Variants in SIPA1L1 observed in about 807,000 individuals in gnomAD.
SIPA1L1 encodes the protein signal induced proliferation associated 1 like 1, also known as signal-induced proliferation-associated 1-like protein 1.
In SIPA1L1, 26 loss-of-function variants were observed where a neutral mutation model predicts 162.7. The ratio of observed to expected loss-of-function variants is 0.16; its 90% CI spans 0.12 to 0.22. The LOEUF is 0.22. Ranked by LOEUF, SIPA1L1 falls within the 10% of genes least tolerant of loss-of-function variation. The pLI is 1.00. For synonymous variants in SIPA1L1, 829 were observed against 837.4 expected (o/e 0.99, Z 0.17); for missense variants, 1,874 against 2,241.0 (o/e 0.84, Z 3.31).
intron 2 of SIPA1L1, among the ~76,000 whole-genome samples, chr14:71,470,767 C>A (rs911657352): frequency 6.6e-6 from 1 of 152,084 alleles, no homozygotes; most frequent in Non-Finnish European, 1.5e-5. Context: ...GGAAAAATTT[C>A]TCCTACTCTT....
At chr14:71,353,167 A>G (rs1330066489) in intron 2 of SIPA1L1, among the ~76,000 whole-genome samples, 3 of 152,228 alleles carry the variant, frequency 2.0e-5, no homozygotes, top group Non-Finnish European at 4.4e-5. Context: ...ATTCTAGATG[A>G]GTTCTCCATT....
At chr14:71,688,432 T>G (rs932756656) in intron 13 of SIPA1L1, among the ~76,000 whole-genome samples, 2 of 152,208 alleles carry the variant, frequency 1.3e-5, no homozygotes, top group African/African-American at 4.8e-5. Flanking sequence ...CTACTGTGAC[T>G]CCAGGAATAT....
At chr14:71,699,198 T>C in intron 14 of SIPA1L1, 71 bp downstream of exon 14, 1 of 1,403,828 alleles carries the variant, frequency 7.1e-7, no homozygotes, top group South Asian at 1.2e-5. Flanking sequence ...CTCAGACATG[T>C]AAAATGACTT....
chr14:71,622,838 G>A (rs2148573751), intron 6 of SIPA1L1, among the ~76,000 whole-genome samples: 1 of 152,260 alleles, frequency 6.6e-6, no homozygotes, highest in Non-Finnish European at 1.5e-5. Context: ...AGTGAGGCGT[G>A]TACCACTCAG....
intron 7 of SIPA1L1, among the ~76,000 whole-genome samples, chr14:71,628,758 A>G (rs1315485121): frequency 6.6e-6 from 1 of 152,188 alleles, no homozygotes; most frequent in African/African-American, 2.4e-5. Context: ...ACTGGATCAG[A>G]ATGAGATGGG....
intron 2 of SIPA1L1, among the ~76,000 whole-genome samples, chr14:71,353,138 A>C (rs147108670): frequency 2.0e-5 from 3 of 152,380 alleles, no homozygotes; most frequent in Non-Finnish European, 4.4e-5. Flanking sequence ...TTATTGATTT[A>C]TAGAAATTTT....
At chr14:71,738,941 C>T in intron 23 of SIPA1L1, 77 bp from the exon 24 acceptor site, 1 of 1,493,464 alleles carries the variant, frequency 6.7e-7, no homozygotes, top group Admixed American at 2.0e-5. Context: ...CAAAACGGGT[C>T]CATAGCTATT....
intron 4 of SIPA1L1, among the ~76,000 whole-genome samples, chr14:71,532,609 A>G (rs916382027): frequency 6.6e-6 from 1 of 152,220 alleles, no homozygotes; most frequent in Non-Finnish European, 1.5e-5. Context: ...GCAATACTAC[A>G]TGAATCATCT....
chr14:71,664,767 G>C (rs1041320072), intron 10 of SIPA1L1, among the ~76,000 whole-genome samples: 11 of 152,150 alleles, frequency 7.2e-5, no homozygotes, highest in African/African-American at 2.7e-4. Context: ...CCTGGTATCT[G>C]AACTGTGGAA....
At chr14:71,408,502 T>C (rs2042179671) in intron 2 of SIPA1L1, among the ~76,000 whole-genome samples, 1 of 152,182 alleles carries the variant, frequency 6.6e-6, no homozygotes, top group South Asian at 2.1e-4. Context: ...GGGCCTTTAC[T>C]TAGTAACTGA....
rs148284415 is a variant in SIPA1L1, at chr14:71,730,976, A to C, written c.4861+675A>C. On this transcript the variant is annotated intron_variant, in intron 20 of 23. Coordinates refer to ENST00000381232, the MANE Select transcript of SIPA1L1 (RefSeq NM_001386936.1). ...CTGTCCCACCCCATTCCAGGGCTCT[A>C]CACCTCCCCTCATAGCTGTGGCCCA... 3.2e-3 allele frequency among the ~76,000 whole-genome samples: 489 copies of C among 151,840 alleles called. 4 individuals are homozygous for C. Among genetic ancestry groups the C allele is most frequent in the South Asian group, 0.019 (90 of 4,794 alleles).
chr14:71,612,033 T>C (rs1328781870), intron 5 of SIPA1L1, among the ~76,000 whole-genome samples: 1 of 152,264 alleles, frequency 6.6e-6, no homozygotes, highest in Non-Finnish European at 1.5e-5. Context: ...TAATTTAAGC[T>C]ATTGAAGTGT....
At position 71,589,276 on chromosome 14, in the gene SIPA1L1, G is replaced by C; in HGVS notation, c.1404G>C (p.Glu468Asp). ...TGGCAGTACTTGAAGTGCCCAAGGAGAACTTGGTGTTGCACCTAGATAGAG... is the reference window on the plus strand; with the variant it reads ...TGGCAGTACTTGAAGTGCCCAAGGACAACTTGGTGTTGCACCTAGATAGAG... ...AGVAVLEVPK[E>D]NLVLHLDRVK... The change falls in exon 5 of 24, where the codon GAG becomes GAC. Residue 468 changes from glutamate (E) to aspartate (D), a missense_variant. Transcript: ENST00000381232. 1 of 1,613,994 alleles carries C rather than the reference G, an allele frequency of 6.2e-7. No individual in the cohort carries two copies. The highest frequency in any genetic ancestry group is 8.5e-7 in the Non-Finnish European group (1 of 1,179,900).
intron 5 of SIPA1L1, among the ~76,000 whole-genome samples, chr14:71,612,052 C>T (rs1418240115): frequency 6.6e-6 from 1 of 152,088 alleles, no homozygotes; most frequent in Non-Finnish European, 1.5e-5. Flanking sequence ...GTCACTGTTC[C>T]ATTCTTTGAC....
At chr14:71,475,661 T>A (rs2047789204) in intron 2 of SIPA1L1, among the ~76,000 whole-genome samples, 1 of 152,248 alleles carries the variant, frequency 6.6e-6, no homozygotes, top group South Asian at 2.1e-4. Context: ...ACAAAAATTC[T>A]GCTTTCAAAA....
intron 2 of SIPA1L1, among the ~76,000 whole-genome samples, chr14:71,502,085 T>C (rs1468315468): frequency 1.3e-5 from 2 of 149,144 alleles, no homozygotes; most frequent in East Asian, 1.9e-4. Context: ...TTTTTTTTTT[T>C]TCTTCTGTGT....
intron 11 of SIPA1L1, 77 bp from the exon 12 acceptor site, chr14:71,672,271 A>G: frequency 6.8e-7 from 1 of 1,460,298 alleles, no homozygotes; most frequent in Non-Finnish European, 9.5e-7. Flanking sequence ...CCCTGCTTGC[A>G]ATGATTTTCC....
chr14:71,702,228 T>A, intron 14 of SIPA1L1, 153 bp from the exon 15 acceptor site: 3 of 728,560 alleles, frequency 4.1e-6, no homozygotes, highest in African/African-American at 1.8e-5. Context: ...CACACCCACG[T>A]AAACACGAAC....
intron 15 of SIPA1L1, chr14:71,704,842 G>A (rs2082330060): frequency 3.4e-6 from 4 of 1,186,842 alleles, no homozygotes; most frequent in African/African-American, 1.5e-5. Flanking sequence ...TGCCTGTCTA[G>A]GTAATGTAGA....
Sources: gnomAD v4.1 joint callset for allele counts (sites outside exome capture counted in the v4.1 genomes callset) on GRCh38, gnomAD v4.1.1 for gene constraint, MANE v1.5 for transcripts, NCBI Gene and HGNC (gene_info 2026-07-23, HGNC 2026-07-21) for gene names.